Variants in FAM204A observed in about 807,000 individuals in gnomAD.
FAM204A encodes protein FAM204A.
In FAM204A, 16 loss-of-function variants were observed where a neutral mutation model predicts 35.4. The ratio of observed to expected loss-of-function variants is 0.45; its 90% confidence interval spans 0.31 to 0.69. The LOEUF is 0.69. Among genes scored for constraint, FAM204A ranks in the 30% least tolerant of loss-of-function variants. The probability of loss-of-function intolerance (pLI) is 0.07; values close to 1 mark genes in which losing one functional copy is unlikely to be tolerated. For missense variants in FAM204A, 240 were observed against 265.7 expected (o/e 0.90, Z 0.67); for synonymous variants, 76 against 86.9 (o/e 0.88, Z 0.70).
Position 118,327,284 on chromosome 10 carries a change from C to G in FAM204A, c.454-1041G>C, listed in dbSNP as rs145932130. 5.7e-3 allele frequency among the ~76,000 whole-genome samples: 874 copies of G among 152,234 alleles called. 6 individuals are homozygous for G. The highest frequency in any genetic ancestry group is 0.02 in the African/African-American group (820 of 41,544). The stretch of plus-strand genomic sequence containing the variant: ...CTGAGAGAATTTTGTTCCTGTGTAG[C>G]CTTTGTTGAGATGAGATGTAAAAAA... On this transcript the variant is annotated intron_variant, in intron 6 of 8. Transcript: ENST00000369183.
At chr10:118,341,136 G>A (rs1311579019) in intron 2 of FAM204A, among the ~76,000 whole-genome samples, 1 of 152,094 alleles carries the variant, frequency 6.6e-6, no homozygotes, top group African/African-American at 2.4e-5. Context: ...ATATTTTCTG[G>A]ACAACCAGAC....
Position 118,306,965 on chromosome 10 carries a change from T to C in FAM204A, c.*3892A>G, listed in dbSNP as rs1335452557. ...AAAGAATGCAGTTCTGCACATTTTA[T>C]CAAAATCTACAGAGCTCCCCAACCT... On this transcript the variant is annotated 3_prime_UTR_variant, in exon 9 of 9. Transcript: ENST00000369183. The C allele has an allele frequency of 6.6e-6, 1 of 152,202 alleles. No individual in the cohort carries two copies. The highest frequency in any genetic ancestry group is 1.5e-5 in the Non-Finnish European group (1 of 68,034). 9.4% of individuals were successfully genotyped at this position (152,202 alleles called of 1,614,324 possible). A position where few individuals can be genotyped will look rare whatever the true frequency, so the allele number is the denominator to read the frequency against.
intron 7 of FAM204A, chr10:118,311,565 C>T (rs867557007): frequency 6.5e-5 from 23 of 351,414 alleles, no homozygotes; most frequent in Admixed American, 3.7e-4. Flanking sequence ...TGAGGCCCCT[C>T]GAGGGTCCAC....
chr10:118,336,754 T>C (rs1251647188), intron 2 of FAM204A, among the ~76,000 whole-genome samples: 1 of 152,186 alleles, frequency 6.6e-6, no homozygotes, highest in Non-Finnish European at 1.5e-5. Context: ...CAGTAAAGCA[T>C]TGCTCAAGAA....
chr10:118,304,469 C>CA lies in FAM204A; in HGVS notation c.*6387dup, dbSNP rs1845841034. 6.6e-6 allele frequency: 1 copy of CA among 152,424 alleles called. No individual in the cohort carries two copies. The highest frequency in any genetic ancestry group is 1.5e-5 in the Non-Finnish European group (1 of 68,124). The allele number at this position is 152,424 out of a possible 1,614,324, so 9.4% of individuals were successfully genotyped here. On this transcript the variant is annotated 3_prime_UTR_variant, in exon 9 of 9. Transcript: ENST00000369183. ...CAAGTCCAATCTCCCCAGCATCTCTCAAAGTTGTGTGTGAGTTGGTTCTGG... is the reference window on the plus strand; with the variant it reads ...CAAGTCCAATCTCCCCAGCATCTCTCAAAAGTTGTGTGTGAGTTGGTTCTGG...
chr10:118,305,564 T>G lies in FAM204A; in HGVS notation c.*5293A>C, dbSNP rs900587848. 23 of 152,200 alleles carry G rather than the reference T, an allele frequency of 1.5e-4. No individual in the cohort carries two copies. The highest frequency in any genetic ancestry group is 1.4e-3 in the Admixed American group (21 of 15,284). The allele number at this position is 152,200 out of a possible 1,614,324, so 9.4% of individuals were successfully genotyped here. A position where few individuals can be genotyped will look rare whatever the true frequency, so the allele number is the denominator to read the frequency against. ...CTAGGAAATTCAGCAACCTGTACAG[T>G]AAGTATATACTCAGGTAACTAAAAT... On this transcript the variant is annotated 3_prime_UTR_variant, in exon 9 of 9. Transcript: ENST00000369183.
At chr10:118,333,240 T>C (rs1396856956) in intron 6 of FAM204A, among the ~76,000 whole-genome samples, 1 of 152,186 alleles carries the variant, frequency 6.6e-6, no homozygotes, top group Middle Eastern at 3.2e-3. Context: ...TTTACCATCC[T>C]AGAGGGTTGA....
Position 118,298,426 on chromosome 10 carries a change from TCTC to T in FAM204A, c.*12428_*12430del, listed in dbSNP as rs1015180886. The stretch of plus-strand genomic sequence containing the variant: ...TGTATCTGAATAAAGACGCTTATTC[TCTC>T]CTACCAGTTACTCTTCATTTTTATG... On this transcript the variant is annotated 3_prime_UTR_variant, in exon 9 of 9. Coordinates refer to ENST00000369183, the MANE Select transcript of FAM204A (RefSeq NM_022063.3). The T allele has an allele frequency of 3.3e-5, 5 of 152,234 alleles. No individual in the cohort carries two copies. The highest frequency in any genetic ancestry group is 9.6e-5 in the African/African-American group (4 of 41,452). The allele number at this position is 152,234 out of a possible 1,614,324, so 9.4% of individuals were successfully genotyped here. A position where few individuals can be genotyped will look rare whatever the true frequency, so the allele number is the denominator to read the frequency against.
chr10:118,314,432 G>A (rs1845999030), intron 7 of FAM204A, among the ~76,000 whole-genome samples: 1 of 152,048 alleles, frequency 6.6e-6, no homozygotes, highest in African/African-American at 2.4e-5. Context: ...TTTCTGTGGA[G>A]AAAGAAAAAA....
At position 118,310,265 on chromosome 10, in the gene FAM204A, G is replaced by C. The variant is rs1845928017; in HGVS notation, c.*592C>G. Reference sequence around the variant, plus strand: ...GAGGCAGGTGAATCATATGAGGCCAGGAGTTCAAGACCAGCCTGACCAACA... The same window carrying C: ...GAGGCAGGTGAATCATATGAGGCCACGAGTTCAAGACCAGCCTGACCAACA... On this transcript the variant is annotated 3_prime_UTR_variant, in exon 9 of 9. Transcript: ENST00000369183. 1 of 151,696 alleles carries C rather than the reference G, an allele frequency of 6.6e-6. No individual in the cohort carries two copies. The highest frequency in any genetic ancestry group is 1.5e-5 in the Non-Finnish European group (1 of 68,050). 9.4% of individuals were successfully genotyped at this position (151,696 alleles called of 1,614,324 possible). A position where few individuals can be genotyped will look rare whatever the true frequency, so the allele number is the denominator to read the frequency against.
At chr10:118,335,082 G>T in intron 6 of FAM204A, 32 bp downstream of exon 6, 1 of 1,449,422 alleles carries the variant, frequency 6.9e-7, no homozygotes, top group Non-Finnish European at 9.7e-7. Flanking sequence ...TATCCTACTA[G>T]CTGGTATAAG....
In FAM204A at chr10:118,307,160, C is replaced by T. The variant is rs138490707; in HGVS notation, c.*3697G>A. The T allele has an allele frequency of 3.0e-4, 46 of 152,344 alleles. No individual in the cohort carries two copies. Among genetic ancestry groups the T allele is most frequent in the African/African-American group, 9.9e-4 (41 of 41,578 alleles). 9.4% of individuals were successfully genotyped at this position (152,344 alleles called of 1,614,324 possible). On this transcript the variant is annotated 3_prime_UTR_variant, in exon 9 of 9. Transcript: ENST00000369183. ...CTCATAATAAAAATCACTTGAGATG[C>T]ACTGCCGTGGGTTTACACAGCCTTC...
chr10:118,326,455 T>C, intron 6 of FAM204A: 2 of 497,774 alleles, frequency 4.0e-6, no homozygotes, highest in Non-Finnish European at 7.0e-6. Flanking sequence ...CTTGAACTAA[T>C]AAAAATAAGA....
chr10:118,328,533 G>A (rs1002754395), intron 6 of FAM204A, among the ~76,000 whole-genome samples: 6 of 144,678 alleles, frequency 4.1e-5, no homozygotes, highest in Admixed American at 2.2e-4. Context: ...TTACTCTGTC[G>A]CCAGGCTGGA....
intron 1 of FAM204A, 132 bp downstream of exon 1, chr10:118,342,138 C>A (rs1219887062): frequency 1.3e-5 from 2 of 152,282 alleles, no homozygotes; most frequent in African/African-American, 2.4e-5. Flanking sequence ...CTAGCCTGCT[C>A]CGGGAGGCTC....
At chr10:118,335,960 T>G (rs996077758) in intron 3 of FAM204A, 6 of 565,430 alleles carry the variant, frequency 1.1e-5, no homozygotes, top group Non-Finnish European at 1.8e-5. Context: ...CATAGTGGTT[T>G]GGGTTTTTTT....
Position 118,336,396 on chromosome 10 carries a change from G to A in FAM204A, c.20C>T (p.Pro7Leu), listed in dbSNP as rs369580047. 4.8e-5 allele frequency: 77 copies of A among 1,613,272 alleles called. No homozygotes were observed. Among genetic ancestry groups the A allele is most frequent in the Non-Finnish European group, 6.1e-5 (72 of 1,179,644 alleles). ...AGCGTCACTTTCATTTAGGCCAGGA[G>A]GTAGCAGCCCACTCCACATCTTTTC... Reference protein sequence around the residue: MWSGLLPPGLNESDAES... With the variant: MWSGLLLPGLNESDAES... The change falls in exon 3 of 9, where the codon CCT (proline) becomes CTT (leucine). Residue 7 changes from proline to leucine, a missense_variant. Physicochemically the swap from Pro to Leu is moderately conservative, Grantham distance 98. This residue lies in a region of FAM204A where 232 missense variants were observed against 242.8 expected (regional missense o/e 0.96). Transcript: ENST00000369183.
At chr10:118,337,011 T>C (rs1846399345) in intron 2 of FAM204A, among the ~76,000 whole-genome samples, 1 of 152,192 alleles carries the variant, frequency 6.6e-6, no homozygotes, top group Non-Finnish European at 1.5e-5. Context: ...TTTGCTAAAA[T>C]AATATTAAAT....
intron 7 of FAM204A, among the ~76,000 whole-genome samples, chr10:118,318,214 A>G (rs1268689205): frequency 6.6e-6 from 1 of 152,080 alleles, no homozygotes; most frequent in African/African-American, 2.4e-5. Context: ...CAAAAGAAAA[A>G]GTAAGGGACA....
Sources: gnomAD v4.1 joint callset for allele counts (sites outside exome capture counted in the v4.1 genomes callset) on GRCh38, gnomAD v4.1.1 for gene constraint, gnomAD v4.1.1 regional missense constraint, MANE v1.5 for transcripts, NCBI Gene and HGNC (gene_info 2026-07-23, HGNC 2026-07-21) for gene names.